The following GSG1L2 variants were observed in gnomAD, a reference collection of about 807,000 sequenced individuals.
GSG1L2 encodes the protein GSG1 like 2.
Under a neutral mutation model 9.0 loss-of-function variants are expected in GSG1L2, and 15 were observed. That is an observed-to-expected ratio of 1.67 (90% CI 1.12 to 2.57). The LOEUF (loss-of-function observed/expected upper bound fraction) is 2.57. Ranked by LOEUF, GSG1L2 falls within the 30% of genes most tolerant of loss-of-function variation. The pLI is 0.00. For synonymous variants in GSG1L2, 127 were observed against 57.9 expected (o/e 2.19, Z -5.41); for missense variants, 286 against 150.3 (o/e 1.90, Z -4.72).
Position 9,810,593 on chromosome 17 carries a change from A to T in GSG1L2, c.336T>A (p.Ser112Arg), listed in dbSNP as rs1296008492. The change falls in exon 2 of 5, where the codon AGT becomes AGA. Residue 112 changes from serine to arginine, a missense_variant. Ser to Arg is a moderately radical substitution (Grantham distance 110). Coordinates refer to ENST00000399363, the MANE Select transcript of GSG1L2 (RefSeq NM_001310219.2). ...TACCTTGTTCTTCAGCTGGCACTAC[A>T]CTCCGGAAACTCCTACACTTTTCAT... ...GEDEKCRSFR[S>R]VVPAEEQGVL... 2 of 702,864 alleles carry T rather than the reference A, an allele frequency of 2.8e-6. No homozygotes were observed. The highest frequency in any genetic ancestry group is 5.2e-6 in the Non-Finnish European group (2 of 385,020). The allele number at this position is 702,864 out of a possible 1,614,324, so 43.5% of individuals were successfully genotyped here.
intron 2 of GSG1L2, 174 bp from the exon 3 acceptor site, chr17:9,809,156 G>A: frequency 3.3e-6 from 2 of 599,212 alleles, no homozygotes; most frequent in Non-Finnish European, 3.0e-6. Context: ...GCACTCCTCA[G>A]GGCTGAAAGA....
Position 9,808,930 on chromosome 17 carries a change from C to T in GSG1L2, c.411G>A (p.Leu137=). ...GGEVLDIVLI[L]TSAILLGSRV... The stretch of plus-strand genomic sequence containing the variant: ...TGGAGCCCAGGAGGATGGCGCTTGT[C>T]AGTATCAGAACGATATCCAGGACCT... Residue 137 remains leucine (L), a synonymous_variant, in exon 3 of 5, where the codon CTG becomes CTA. Transcript: ENST00000399363. The T allele has an allele frequency of 2.8e-6, 2 of 703,006 alleles. No individual in the cohort carries two copies. The highest frequency in any genetic ancestry group is 5.2e-6 in the Non-Finnish European group (2 of 385,016). 43.5% of individuals were successfully genotyped at this position (703,006 alleles called of 1,614,324 possible).
chr17:9,815,502 A>G (rs1224538300), intron 1 of GSG1L2, among the ~76,000 whole-genome samples: 2 of 152,166 alleles, frequency 1.3e-5, no homozygotes, highest in African/African-American at 2.4e-5. Context: ...TGCTCCATAA[A>G]TTTGGGGGAA....
intron 1 of GSG1L2, among the ~76,000 whole-genome samples, chr17:9,819,152 A>G (rs2066579438): frequency 6.6e-6 from 1 of 152,220 alleles, no homozygotes; most frequent in Non-Finnish European, 1.5e-5. Context: ...AGTGGAATAA[A>G]ACACCAGTGC....
intron 4 of GSG1L2, 71 bp from the exon 5 acceptor site, chr17:9,802,715 T>C: frequency 3.0e-6 from 2 of 664,996 alleles, no homozygotes; most frequent in East Asian, 2.7e-5. Flanking sequence ...TTCTCCAGAC[T>C]GGGGGTCAAT....
Position 9,801,271 on chromosome 17 carries a change from G to C in GSG1L2, c.*1115C>G, listed in dbSNP as rs775196819. Among the ~76,000 whole-genome samples, 1 of 151,854 alleles carries C rather than the reference G, an allele frequency of 6.6e-6. No individual in the cohort carries two copies. The highest frequency in any genetic ancestry group is 1.5e-5 in the Non-Finnish European group (1 of 67,980). ...TGCCCAGGCTGGAGTGCAATGGCGC[G>C]ATCTCTGCTCACTGCAACCTCCACC... On this transcript the variant is annotated 3_prime_UTR_variant, in exon 5 of 5. Transcript: ENST00000399363.
Position 9,821,950 on chromosome 17 carries a change from G to T in GSG1L2, c.122C>A (p.Pro41Gln), listed in dbSNP as rs923971761. 1 of 703,028 alleles carries T rather than the reference G, an allele frequency of 1.4e-6. No individual in the cohort carries two copies. The highest frequency in any genetic ancestry group is 2.6e-6 in the Non-Finnish European group (1 of 385,034). The allele number at this position is 703,028 out of a possible 1,614,324, so 43.5% of individuals were successfully genotyped here. ...WCEGTRRVVK[P>Q]LCQDQPGGQH... ...CCCTCCCGGCTGGTCCTGGCACAGT[G>T]GCTTCACCACCCGTCGGGTCCCCTC... Residue 41 changes from proline (P) to glutamine (Q), a missense_variant, in exon 1 of 5, where the codon CCA becomes CAA. Pro to Gln is a moderately conservative substitution (Grantham distance 76, BLOSUM62 -1). Transcript: ENST00000399363.
chr17:9,807,743 C>T, intron 3 of GSG1L2, 142 bp from the exon 4 acceptor site: 1 of 609,772 alleles, frequency 1.6e-6, no homozygotes, highest in Non-Finnish European at 3.0e-6. Flanking sequence ...CTTAAACATT[C>T]CGCTGGACAT....
intron 1 of GSG1L2, 62 bp downstream of exon 1, chr17:9,821,700 G>A: frequency 1.5e-6 from 1 of 678,882 alleles, no homozygotes; most frequent in South Asian, 1.6e-5. Flanking sequence ...CAGACAGCCT[G>A]GCTCCAGAGC....
rs2066495423 is a variant in GSG1L2, at chr17:9,801,205, C to G, written c.*1181G>C. 2.0e-5 allele frequency among the ~76,000 whole-genome samples: 3 copies of G among 151,734 alleles called. No individual in the cohort carries two copies. The South Asian group carries it at 6.3e-4, about 32-fold the overall frequency. ...TTAGAGTTTGCAGTCCCTTTCTTTT[C>G]TTTTTCTTTTTCTTTTTTTTGAGAC... is the stretch of plus-strand genomic sequence containing the variant. On this transcript the variant is annotated 3_prime_UTR_variant, in exon 5 of 5. Coordinates refer to ENST00000399363, the MANE Select transcript of GSG1L2 (RefSeq NM_001310219.2).
rs192351816 is a variant in GSG1L2 at position 9,801,395 on chromosome 17, T to C, written c.*991A>G. 3.8e-3 allele frequency among the ~76,000 whole-genome samples: 583 copies of C among 151,876 alleles called. 3 individuals are homozygous for C. Among genetic ancestry groups the C allele is most frequent in the African/African-American group, 0.013 (549 of 41,422 alleles). Reference sequence around the variant, plus strand: ...GCTATTTTTGATGTTTTTTTTTTTTTAGTAGAGACAGGGTTTCACCATGTT... The same window carrying C: ...GCTATTTTTGATGTTTTTTTTTTTTCAGTAGAGACAGGGTTTCACCATGTT... On this transcript the variant is annotated 3_prime_UTR_variant, in exon 5 of 5. Transcript: ENST00000399363.
chr17:9,807,026 T>A (rs2152022426), intron 4 of GSG1L2, among the ~76,000 whole-genome samples: 1 of 152,358 alleles, frequency 6.6e-6, no homozygotes, highest in Non-Finnish European at 1.5e-5. Context: ...ACGATATGCT[T>A]CAGAGGTCCA....
intron 1 of GSG1L2, among the ~76,000 whole-genome samples, chr17:9,814,247 G>A (rs116121552): frequency 0.012 from 1,838 of 152,240 alleles, 53 homozygotes; most frequent in African/African-American, 0.043. Flanking sequence ...CCACTGTTTT[G>A]AGTGTTGAGT....
chr17:9,812,099 T>C (rs768232075), intron 1 of GSG1L2, among the ~76,000 whole-genome samples: 5 of 152,188 alleles, frequency 3.3e-5, no homozygotes, highest in Admixed American at 6.5e-5. Flanking sequence ...TTAAATCTTA[T>C]TAGACTATAA....
intron 1 of GSG1L2, 68 bp downstream of exon 1, chr17:9,821,694 C>G (rs1352945067): frequency 8.9e-6 from 6 of 674,706 alleles, no homozygotes; most frequent in Non-Finnish European, 1.6e-5. Context: ...CAAACCCAGA[C>G]AGCCTGGCTC....
At chr17:9,816,488 ATG>A (rs1202683356) in intron 1 of GSG1L2, among the ~76,000 whole-genome samples, 3 of 56,838 alleles carry the variant, frequency 5.3e-5, no homozygotes, top group African/African-American at 7.4e-5. Flanking sequence ...GTGTGTGTGC[ATG>A]TGTCTGTGTG....
intron 4 of GSG1L2, chr17:9,804,126 A>G (rs969379257): frequency 6.6e-6 from 1 of 152,314 alleles, no homozygotes; most frequent in Non-Finnish European, 1.5e-5. Flanking sequence ...AGGAGACATG[A>G]GAGTACGGAA....
chr17:9,814,955 G>T (rs539056862), intron 1 of GSG1L2, among the ~76,000 whole-genome samples: 1 of 152,114 alleles, frequency 6.6e-6, no homozygotes. Context: ...AGAACATTTC[G>T]CGTAAGTGCT....
At chr17:9,803,867 C>T (rs1208519241) in intron 4 of GSG1L2, 1 of 152,170 alleles carries the variant, frequency 6.6e-6, no homozygotes. Flanking sequence ...GGCTGCAAAC[C>T]CTGTGAGTCC....
Sources: allele counts gnomAD v4.1 joint callset (sites outside exome capture counted in the v4.1 genomes callset), GRCh38; gene constraint gnomAD v4.1.1; transcripts MANE v1.5; gene names NCBI Gene and HGNC (gene_info 2026-07-23, HGNC 2026-07-21).